The following BLNK variants were observed in gnomAD, a reference collection of about 807,000 sequenced individuals.
BLNK encodes the protein B cell linker.
BLNK carries 29 observed loss-of-function variants against 73.5 expected under a neutral mutation model. The ratio of observed to expected loss-of-function variants is 0.39; its 90% CI spans 0.29 to 0.54. The LOEUF is 0.54. Ranked by LOEUF, BLNK falls within the 20% of genes least tolerant of loss-of-function variation. BLNK has a pLI of 0.61. For synonymous variants in BLNK, 176 were observed against 200.8 expected, an observed-to-expected ratio of 0.88 and a Z score of 1.04; for missense variants, 460 against 562.8, an observed-to-expected ratio of 0.82 and a Z score of 1.85.
chr10:96,247,940 CTG>C (rs1362326107), intron 1 of BLNK, among the ~76,000 whole-genome samples: 10 of 152,354 alleles, frequency 6.6e-5, no homozygotes, highest in African/African-American at 2.4e-4. Flanking sequence ...CATTCCTACT[CTG>C]TGGAGTGTAC....
chr10:96,210,139 A>G, intron 8 of BLNK: 1 of 566,964 alleles, frequency 1.8e-6, no homozygotes, highest in Non-Finnish European at 3.2e-6. Context: ...GGGGTTAGGG[A>G]CTCCACCTTA....
intron 15 of BLNK, among the ~76,000 whole-genome samples, chr10:96,198,797 C>A (rs2083544764): frequency 6.6e-6 from 1 of 152,204 alleles, no homozygotes; most frequent in South Asian, 2.1e-4. Context: ...CTCCTAGGCC[C>A]AACCGATTCT....
intron 9 of BLNK, among the ~76,000 whole-genome samples, chr10:96,209,106 A>G (rs1430352136): frequency 1.3e-5 from 2 of 152,212 alleles, no homozygotes; most frequent in African/African-American, 2.4e-5. Flanking sequence ...TCTAAATTCA[A>G]TAAGAAAGAA....
chr10:96,216,544 G>A lies in BLNK; in HGVS notation c.607+109C>T, dbSNP rs1179325118. On this transcript the variant is annotated intron_variant, in intron 7 of 16. Transcript: ENST00000224337. ...CACACACTGTGGCCCAGGGGAGAAA[G>A]TCCTGGGCACTGTCATTTCTGAGCC... The A allele has an allele frequency of 1.0e-5, 10 of 953,490 alleles. No individual in the cohort carries two copies. The Admixed American group carries it at 1.3e-4, about 13-fold the overall frequency. 59.1% of individuals were successfully genotyped at this position (953,490 alleles called of 1,614,324 possible).
chr10:96,205,938 C>T (rs1349911255), intron 11 of BLNK, among the ~76,000 whole-genome samples: 1 of 152,148 alleles, frequency 6.6e-6, no homozygotes, highest in Non-Finnish European at 1.5e-5. Context: ...CACTATCACT[C>T]CACAACCTGG....
chr10:96,204,972 CTT>C, intron 11 of BLNK: 1 of 331,768 alleles, frequency 3.0e-6, no homozygotes, highest in Non-Finnish European at 5.9e-6. Flanking sequence ...TCACCCTCTA[CTT>C]GCCATGTGGC....
chr10:96,261,042 G>A (rs1045661885), intron 1 of BLNK, among the ~76,000 whole-genome samples: 5 of 151,868 alleles, frequency 3.3e-5, no homozygotes, highest in African/African-American at 4.8e-5. Flanking sequence ...ACAGGGTTTC[G>A]CCATGTTGCC....
chr10:96,257,789 C>T (rs781867687), intron 1 of BLNK, among the ~76,000 whole-genome samples: 19 of 152,198 alleles, frequency 1.2e-4, no homozygotes, highest in Non-Finnish European at 2.2e-4. Context: ...CAGAGCTAAC[C>T]TGAACACAAA....
chr10:96,248,985 G>C (rs575812172), intron 1 of BLNK, among the ~76,000 whole-genome samples: 1 of 152,134 alleles, frequency 6.6e-6, no homozygotes, highest in African/African-American at 2.4e-5. Context: ...GCCATGTTAT[G>C]TTTTCCTCAT....
At chr10:96,195,590 A>G (rs1554894502) in intron 16 of BLNK, among the ~76,000 whole-genome samples, 1 of 152,234 alleles carries the variant, frequency 6.6e-6, no homozygotes, top group Non-Finnish European at 1.5e-5. Flanking sequence ...TTCCACTTGT[A>G]TGAGGTATCT....
intron 2 of BLNK, among the ~76,000 whole-genome samples, chr10:96,245,987 G>A (rs1214668520): frequency 2.0e-5 from 3 of 151,878 alleles, no homozygotes; most frequent in African/African-American, 7.3e-5. Context: ...ATCTGTATTA[G>A]TTTTATTTAA....
chr10:96,212,594 A>G (rs1554898892), intron 8 of BLNK, among the ~76,000 whole-genome samples: 1 of 152,066 alleles, frequency 6.6e-6, no homozygotes, highest in Non-Finnish European at 1.5e-5. Context: ...CACAGCGGGG[A>G]CGGCAGGGGC....
chr10:96,205,237 C>G (rs1554897158), intron 11 of BLNK: 1 of 155,836 alleles, frequency 6.4e-6, no homozygotes, highest in East Asian at 1.9e-4. Context: ...ATGTTGAAGC[C>G]CATAGTGAAC....
chr10:96,253,423 G>A (rs1367909437), intron 1 of BLNK, among the ~76,000 whole-genome samples: 5 of 152,168 alleles, frequency 3.3e-5, no homozygotes, highest in Non-Finnish European at 7.3e-5. Context: ...CGAATGCCTT[G>A]CTTCTGGGAG....
intron 1 of BLNK, among the ~76,000 whole-genome samples, chr10:96,257,340 G>T (rs1454377662): frequency 6.6e-6 from 1 of 152,208 alleles, no homozygotes; most frequent in Non-Finnish European, 1.5e-5. Flanking sequence ...TCTCGGCCTG[G>T]GACAGTGGTG....
chr10:96,263,267 G>A (rs893688311), intron 1 of BLNK, among the ~76,000 whole-genome samples: 3 of 152,198 alleles, frequency 2.0e-5, no homozygotes, highest in East Asian at 1.9e-4. Context: ...ATGGCCACAC[G>A]CCCAGGAAGC....
intron 1 of BLNK, among the ~76,000 whole-genome samples, chr10:96,263,488 G>A (rs1843853909): frequency 6.6e-6 from 1 of 152,204 alleles, no homozygotes; most frequent in South Asian, 2.1e-4. Flanking sequence ...AATAAGCATT[G>A]AAATAGCCAT....
intron 4 of BLNK, among the ~76,000 whole-genome samples, chr10:96,229,586 C>T (rs1842416731): frequency 6.6e-6 from 1 of 151,928 alleles, no homozygotes; most frequent in Non-Finnish European, 1.5e-5. Flanking sequence ...TTTCATCCAG[C>T]CAGCTTGCTC....
chr10:96,210,238 C>T, intron 8 of BLNK: 1 of 387,388 alleles, frequency 2.6e-6, no homozygotes, highest in Non-Finnish European at 4.9e-6. Flanking sequence ...GTGAGGACCC[C>T]CACAGAGGTC....
Sources: gnomAD v4.1 joint callset for allele counts (sites outside exome capture counted in the v4.1 genomes callset) on GRCh38, gnomAD v4.1.1 for gene constraint, MANE v1.5 for transcripts, NCBI Gene and HGNC (gene_info 2026-07-23, HGNC 2026-07-21) for gene names.